TRPC7: variants seen among roughly 807,000 people sequenced by gnomAD.
The protein encoded by TRPC7 is short transient receptor potential channel 7.
A neutral mutation model predicts 90.1 loss-of-function variants in TRPC7; 42 were observed. The observed-to-expected ratio is 0.47, with a 90% CI of 0.36 to 0.60. The LOEUF (loss-of-function observed/expected upper bound fraction) is 0.60, where lower values mean the gene tolerates loss of function less well. TRPC7 is among the 20% of genes least tolerant of loss of function. The pLI is 0.00. For synonymous variants in TRPC7, 451 were observed against 436.3 expected, an observed-to-expected ratio of 1.03 and a Z score of -0.42; for missense variants, 955 against 1,112.3, an observed-to-expected ratio of 0.86 and a Z score of 2.01.
Position 136,251,669 on chromosome 5 carries a change from T to A in TRPC7, c.1559A>T (p.Glu520Val). 1 of 1,608,898 alleles carries A rather than the reference T, an allele frequency of 6.2e-7. No homozygotes were observed. Residue 520 changes from glutamate to valine, a missense_variant, in exon 6 of 12, where the codon GAA becomes GTA. Around this residue, in one of 4 missense-constraint regions of TRPC7, gnomAD observed 484 missense variants for 509.6 expected, o/e 0.95. Transcript: ENST00000513104. ...DTLHNVSLPPEVAYFTYARDK... is the reference protein window; with the variant it reads ...DTLHNVSLPPVVAYFTYARDK... The stretch of plus-strand genomic sequence containing the variant: ...CTCACCGTAGGTGAAGTATGCCACT[T>A]CCGGCGGAAGCGAGACATTGTGCAG...
chr5:136,322,693 G>A (rs561038767), intron 2 of TRPC7, among the ~76,000 whole-genome samples: 15 of 152,104 alleles, frequency 9.9e-5, no homozygotes, highest in Non-Finnish European at 1.8e-4. Flanking sequence ...CTGTGTCATG[G>A]TATCTCATTG....
intron 7 of TRPC7, among the ~76,000 whole-genome samples, chr5:136,235,677 A>C (rs1755959434): frequency 6.6e-6 from 1 of 152,206 alleles, no homozygotes; most frequent in South Asian, 2.1e-4. Context: ...AATATCTTGG[A>C]ATTAGGCTAG....
intron 7 of TRPC7, among the ~76,000 whole-genome samples, chr5:136,239,689 C>T (rs1416034106): frequency 6.6e-6 from 1 of 152,236 alleles, no homozygotes; most frequent in Non-Finnish European, 1.5e-5. Flanking sequence ...CCCACTATTC[C>T]CTGCATGCAG....
rs1045049830 is a variant in TRPC7 at position 136,226,108 on chromosome 5, T to G, written c.2188A>C (p.Ile730Leu). The G allele has an allele frequency of 1.9e-6, 3 of 1,602,310 alleles. No individual in the cohort carries two copies. The highest frequency in any genetic ancestry group is 1.3e-5 in the African/African-American group (1 of 74,874). ...TTGGCCTTAGATTTGCAGAGTTTTATGAGGCACATCTTGATTCTCATTATG... is the reference window on the plus strand; with the variant it reads ...TTGGCCTTAGATTTGCAGAGTTTTAGGAGGCACATCTTGATTCTCATTATG... ...YLIMRIKMCLIKLCKSKAKSC... is the reference protein window; with the variant it reads ...YLIMRIKMCLLKLCKSKAKSC... Residue 730 changes from isoleucine to leucine, a missense_variant, in exon 9 of 12, where the codon ATA (isoleucine) becomes CTA (leucine). By Grantham distance (5) the Ile-to-Leu change is conservative (BLOSUM62 2). This residue lies in a region of TRPC7 where 296 missense variants were observed against 422.7 expected (regional missense o/e 0.70). Transcript: ENST00000513104.
At position 136,264,387 on chromosome 5, in the gene TRPC7, C is replaced by T. The variant is rs147892468; in HGVS notation, c.1345+1833G>A. On this transcript the variant is annotated intron_variant, in intron 5 of 11. Transcript: ENST00000513104. ...ATACTTTAAATTTTATTCATAAATC[C>T]AACATGTGAGTTTTTTCTAAGTGCC... Among the ~76,000 whole-genome samples, 395 of 152,206 alleles carry T rather than the reference C, an allele frequency of 2.6e-3. 4 individuals are homozygous for T. The highest frequency in any genetic ancestry group is 9.2e-3 in the African/African-American group (382 of 41,522).
At chr5:136,323,204 C>T (rs551613590) in intron 2 of TRPC7, among the ~76,000 whole-genome samples, 6 of 152,236 alleles carry the variant, frequency 3.9e-5, no homozygotes, top group Non-Finnish European at 8.8e-5. Context: ...TCTGCTGCCA[C>T]GTGAGACGTG....
chr5:136,273,677 T>C (rs1757273834), intron 4 of TRPC7, among the ~76,000 whole-genome samples: 1 of 152,218 alleles, frequency 6.6e-6, no homozygotes. Context: ...TTAACCACAT[T>C]ACCTGATCAA....
At chr5:136,237,545 T>C (rs893463165) in intron 7 of TRPC7, among the ~76,000 whole-genome samples, 2 of 152,218 alleles carry the variant, frequency 1.3e-5, no homozygotes, top group African/African-American at 2.4e-5. Flanking sequence ...CAGGTGATGA[T>C]GAAACAATCG....
chr5:136,311,451 C>T (rs911757516), intron 3 of TRPC7, among the ~76,000 whole-genome samples: 5 of 152,190 alleles, frequency 3.3e-5, no homozygotes, highest in African/African-American at 1.2e-4. Context: ...AGCCTGAGTC[C>T]AGCTGGGCCT....
chr5:136,276,772 G>A (rs756667354), intron 3 of TRPC7, among the ~76,000 whole-genome samples: 1 of 152,200 alleles, frequency 6.6e-6, no homozygotes, highest in African/African-American at 2.4e-5. Flanking sequence ...GACATCCTGG[G>A]CCCTTTCTGG....
chr5:136,315,421 G>A (rs989170560), intron 3 of TRPC7, among the ~76,000 whole-genome samples, 176 bp downstream of exon 3: 2 of 152,138 alleles, frequency 1.3e-5, no homozygotes, highest in Non-Finnish European at 2.9e-5. Context: ...GGAAGGGATG[G>A]TGGAGGGGAT....
In TRPC7 at chr5:136,333,777, C is replaced by G. The variant is rs138541464; in HGVS notation, c.781-17998G>C. Among the ~76,000 whole-genome samples, 200 of 152,324 alleles carry G rather than the reference C, an allele frequency of 1.3e-3. 2 individuals are homozygous for G. The highest frequency in any genetic ancestry group is 4.7e-3 in the African/African-American group (194 of 41,582). The stretch of plus-strand genomic sequence containing the variant: ...TATGTGGCATGCTTGGAACAGCAAA[C>G]ATTGGAATGGATTTTCCTAACATGT... On this transcript the variant is annotated intron_variant, in intron 2 of 11. Coordinates refer to ENST00000513104, the MANE Select transcript of TRPC7 (RefSeq NM_020389.3).
intron 5 of TRPC7, among the ~76,000 whole-genome samples, chr5:136,252,593 A>T (rs1756558139): frequency 7.8e-6 from 1 of 128,624 alleles, no homozygotes; most frequent in African/African-American, 2.9e-5. Flanking sequence ...GACCAGTTTC[A>T]TGGAAGACAA....
At chr5:136,288,388 G>A (rs933368603) in intron 3 of TRPC7, among the ~76,000 whole-genome samples, 1 of 148,560 alleles carries the variant, frequency 6.7e-6, no homozygotes, top group African/African-American at 2.5e-5. Context: ...GACAGAACAG[G>A]TTAAGGTTAG....
At chr5:136,317,117 C>T (rs1182853646) in intron 2 of TRPC7, among the ~76,000 whole-genome samples, 1 of 152,124 alleles carries the variant, frequency 6.6e-6, no homozygotes, top group Admixed American at 6.5e-5. Context: ...AGCTGTCCTT[C>T]ATTTTTATAT....
intron 8 of TRPC7, 138 bp downstream of exon 8, chr5:136,231,216 A>C (rs771737029): frequency 8.8e-6 from 7 of 795,972 alleles, no homozygotes; most frequent in African/African-American, 7.0e-5. Flanking sequence ...GAAGCAATCC[A>C]GGAAGAATGC....
chr5:136,295,772 G>A (rs1205996540), intron 3 of TRPC7, among the ~76,000 whole-genome samples: 1 of 152,192 alleles, frequency 6.6e-6, no homozygotes, highest in Non-Finnish European at 1.5e-5. Context: ...CTCAGCCATA[G>A]AAGCATGTAG....
chr5:136,255,561 C>T (rs1756663492), intron 5 of TRPC7, among the ~76,000 whole-genome samples: 1 of 152,184 alleles, frequency 6.6e-6, no homozygotes, highest in Admixed American at 6.5e-5. Flanking sequence ...CTTTTCTCTG[C>T]ACTGGGAAAC....
chr5:136,288,633 G>T (rs1757817676), intron 3 of TRPC7, among the ~76,000 whole-genome samples: 1 of 152,176 alleles, frequency 6.6e-6, no homozygotes, highest in Admixed American at 6.5e-5. Context: ...ATTTGCCCAA[G>T]CTGATGATTC....
Sources: allele counts gnomAD v4.1 joint callset (sites outside exome capture counted in the v4.1 genomes callset), GRCh38; gene constraint gnomAD v4.1.1; regional missense constraint gnomAD v4.1.1; transcripts MANE v1.5; gene names NCBI Gene and HGNC (gene_info 2026-07-23, HGNC 2026-07-21).